OSBPL1A: variants seen among roughly 807,000 people sequenced by gnomAD.
OSBPL1A encodes oxysterol-binding protein-related protein 1.
In OSBPL1A, 80 loss-of-function variants were observed where a neutral mutation model predicts 137.1. The observed-to-expected ratio is 0.58, with a 90% confidence interval of 0.49 to 0.70. The LOEUF is 0.70. OSBPL1A is among the 30% of genes least tolerant of loss of function. The pLI is 0.00. For synonymous variants in OSBPL1A, 365 were observed against 389.7 expected (o/e 0.94, Z 0.75); for missense variants, 970 against 1,129.4 (o/e 0.86, Z 2.02).
At chr18:24,205,370 C>T (rs1284098455) in intron 17 of OSBPL1A, among the ~76,000 whole-genome samples, 1 of 152,174 alleles carries the variant, frequency 6.6e-6, no homozygotes, top group Non-Finnish European at 1.5e-5. Flanking sequence ...CTTTAGGCCC[C>T]ATTCATTCTG....
At chr18:24,331,443 C>G (rs928530809) in intron 7 of OSBPL1A, among the ~76,000 whole-genome samples, 42 of 148,402 alleles carry the variant, frequency 2.8e-4, no homozygotes, top group Middle Eastern at 7.0e-3. Flanking sequence ...GTCGCCCAGG[C>G]TGGAGTGCAG....
At chr18:24,379,644 G>T (rs1241905079) in intron 1 of OSBPL1A, among the ~76,000 whole-genome samples, 1 of 152,010 alleles carries the variant, frequency 6.6e-6, no homozygotes, top group Non-Finnish European at 1.5e-5. Context: ...GAGGTGGTAG[G>T]ATCACTTGAG....
chr18:24,395,063 A>G (rs1449717155), intron 1 of OSBPL1A, among the ~76,000 whole-genome samples: 1 of 152,260 alleles, frequency 6.6e-6, no homozygotes, highest in Non-Finnish European at 1.5e-5. Flanking sequence ...TCATAAATAT[A>G]CATACACTAT....
At chr18:24,345,897 T>G (rs569913869) in intron 4 of OSBPL1A, among the ~76,000 whole-genome samples, 45 of 152,284 alleles carry the variant, frequency 3.0e-4, no homozygotes, top group African/African-American at 1.0e-3. Flanking sequence ...TTTGGTCTCT[T>G]GTTCATTGCT....
chr18:24,347,867 T>C (rs552962749), intron 4 of OSBPL1A: 14 of 113,808 alleles, frequency 1.2e-4, no homozygotes, highest in African/African-American at 4.5e-4. Context: ...AAAAAAAGAA[T>C]TATGCTTATT....
chr18:24,253,593 G>A (rs1174109682), intron 15 of OSBPL1A, among the ~76,000 whole-genome samples: 1 of 152,212 alleles, frequency 6.6e-6, no homozygotes, highest in Non-Finnish European at 1.5e-5. Flanking sequence ...TTGCAGATCA[G>A]AGATTTTAAG....
intron 1 of OSBPL1A, among the ~76,000 whole-genome samples, chr18:24,387,656 T>C (rs79002940): frequency 0.17 from 25,307 of 151,840 alleles, 3,159 homozygotes; most frequent in East Asian, 0.46. Context: ...CTTAAGTGAT[T>C]CTCTATCTTG....
intron 15 of OSBPL1A, among the ~76,000 whole-genome samples, chr18:24,277,848 A>G (rs1367427168): frequency 1.3e-5 from 2 of 152,226 alleles, no homozygotes; most frequent in African/African-American, 2.4e-5. Context: ...AAGGAAATCT[A>G]TGGATTCTAA....
At position 24,315,724 on chromosome 18, in the gene OSBPL1A, A is replaced by ATAGT. The variant is rs1472168697; in HGVS notation, c.871-1378_871-1377insACTA. 6.6e-4 allele frequency among the ~76,000 whole-genome samples: 80 copies of ATAGT among 121,422 alleles called. 1 individual carries two copies. The East Asian group carries it at 0.016, about 24-fold the overall frequency. 79.7% of individuals were successfully genotyped at this position (121,422 alleles called of 152,430 possible). A position where few individuals can be genotyped will look rare whatever the true frequency, so the allele number is the denominator to read the frequency against. On this transcript the variant is annotated intron_variant, in intron 11 of 27. Transcript: ENST00000319481. ...ATATAATAAAATATATAATATATGT[A>ATAGT]ATATATTATATAATAAAATATATAA...
intron 14 of OSBPL1A, among the ~76,000 whole-genome samples, chr18:24,284,493 C>T (rs1033805365): frequency 2.6e-5 from 4 of 152,116 alleles, no homozygotes; most frequent in Non-Finnish European, 5.9e-5. Flanking sequence ...ATAAAAAGCT[C>T]ACAATCTGTC....
chr18:24,196,331 G>C lies in OSBPL1A; in HGVS notation c.1602-131C>G. ...TAAAAATGTGTGTCATCACAGACAG[G>C]GCTAAGCAGGGCTAATCTAGGGTTG... On this transcript the variant is annotated intron_variant, in intron 17 of 27. Coordinates refer to ENST00000319481, the MANE Select transcript of OSBPL1A (RefSeq NM_080597.4). 4 of 637,464 alleles carry C rather than the reference G, an allele frequency of 6.3e-6. No individual in the cohort carries two copies. The South Asian group carries it at 7.6e-5, about 12-fold the overall frequency. The allele number at this position is 637,464 out of a possible 1,614,324, so 39.5% of individuals were successfully genotyped here.
At chr18:24,362,071 G>C (rs143507446) in intron 4 of OSBPL1A, among the ~76,000 whole-genome samples, 4 of 150,928 alleles carry the variant, frequency 2.7e-5, no homozygotes, top group Non-Finnish European at 4.4e-5. Context: ...TGAAAGTGCT[G>C]TACTGTGCCC....
At chr18:24,391,938 C>T (rs1399240901) in intron 1 of OSBPL1A, among the ~76,000 whole-genome samples, 1 of 152,126 alleles carries the variant, frequency 6.6e-6, no homozygotes, top group Admixed American at 6.5e-5. Flanking sequence ...TCACTGCAAC[C>T]TTCACCTCCT....
intron 17 of OSBPL1A, among the ~76,000 whole-genome samples, chr18:24,198,230 G>A (rs1006677773): frequency 9.2e-5 from 14 of 152,186 alleles, no homozygotes; most frequent in Non-Finnish European, 1.6e-4. Context: ...TATAGACCGT[G>A]TGCTACCATT....
chr18:24,394,970 CAG>C (rs2144295274), intron 1 of OSBPL1A, among the ~76,000 whole-genome samples: 2 of 152,318 alleles, frequency 1.3e-5, no homozygotes, highest in East Asian at 3.9e-4. Context: ...AGTACCAACA[CAG>C]AATTAGTGGC....
At chr18:24,385,221 TG>T (rs1473795026) in intron 1 of OSBPL1A, among the ~76,000 whole-genome samples, 1 of 152,064 alleles carries the variant, frequency 6.6e-6, no homozygotes, top group African/African-American at 2.4e-5. Flanking sequence ...CCCAAAGTGC[TG>T]GGATTACAGG....
chr18:24,392,972 G>A (rs1477009939), intron 1 of OSBPL1A, among the ~76,000 whole-genome samples: 1 of 152,174 alleles, frequency 6.6e-6, no homozygotes. Flanking sequence ...TTACAGGCAT[G>A]AGCCACCTCG....
At chr18:24,188,356 G>A (rs1261732742) in intron 18 of OSBPL1A, among the ~76,000 whole-genome samples, 1 of 152,180 alleles carries the variant, frequency 6.6e-6, no homozygotes, top group Non-Finnish European at 1.5e-5. Flanking sequence ...ACCAGCCACC[G>A]GGCTTTCCAG....
intron 14 of OSBPL1A, among the ~76,000 whole-genome samples, chr18:24,299,226 T>C (rs1278641761): frequency 6.6e-6 from 1 of 152,196 alleles, no homozygotes; most frequent in African/African-American, 2.4e-5. Flanking sequence ...AGGACATTTA[T>C]GTTCAATGTT....
Sources: allele counts gnomAD v4.1 joint callset (sites outside exome capture counted in the v4.1 genomes callset), GRCh38; gene constraint gnomAD v4.1.1; transcripts MANE v1.5; gene names NCBI Gene and HGNC (gene_info 2026-07-23, HGNC 2026-07-21).